NTNG1: variants seen among roughly 807,000 people sequenced by gnomAD.
NTNG1 encodes netrin-G1.
NTNG1 carries 16 observed loss-of-function variants against 54.0 expected under a neutral mutation model. The ratio of observed to expected loss-of-function variants is 0.30; its 90% CI spans 0.20 to 0.45. The LOEUF (loss-of-function observed/expected upper bound fraction) is 0.45. Among genes scored for constraint, NTNG1 ranks in the 20% least tolerant of loss-of-function variants. NTNG1 has a pLI of 1.00. For synonymous variants in NTNG1, 255 were observed against 263.1 expected (o/e 0.97, Z 0.30); for missense variants, 530 against 678.7 (o/e 0.78, Z 2.43).
At chr1:107,421,592 T>C (rs1235998020) in intron 5 of NTNG1, among the ~76,000 whole-genome samples, 1 of 152,078 alleles carries the variant, frequency 6.6e-6, no homozygotes, top group Non-Finnish European at 1.5e-5. Context: ...TCCAAAAAAT[T>C]GTTTCGAATA....
chr1:107,427,324 G>GT (rs2101296444), intron 5 of NTNG1, among the ~76,000 whole-genome samples: 1 of 152,096 alleles, frequency 6.6e-6, no homozygotes, highest in South Asian at 2.1e-4. Flanking sequence ...ATTGGACTAT[G>GT]GATACTATAT....
At chr1:107,204,505 C>T (rs1659025657) in intron 2 of NTNG1, among the ~76,000 whole-genome samples, 2 of 152,072 alleles carry the variant, frequency 1.3e-5, no homozygotes, top group African/African-American at 4.8e-5. Flanking sequence ...CTGATCCCAA[C>T]CTTCCAGCCA....
intron 2 of NTNG1, among the ~76,000 whole-genome samples, chr1:107,174,948 A>G (rs2101107088): frequency 6.6e-6 from 1 of 152,240 alleles, no homozygotes; most frequent in Admixed American, 6.5e-5. Flanking sequence ...ATGCTGACTT[A>G]CCATGGTTTT....
chr1:107,232,095 C>T (rs1661107206), intron 2 of NTNG1, among the ~76,000 whole-genome samples: 1 of 152,082 alleles, frequency 6.6e-6, no homozygotes, highest in African/African-American at 2.4e-5. Flanking sequence ...TCCTTATTGT[C>T]TTAAGTCAAG....
At chr1:107,145,716 C>A (rs1301691363) in intron 1 of NTNG1, among the ~76,000 whole-genome samples, 1 of 152,034 alleles carries the variant, frequency 6.6e-6, no homozygotes, top group Non-Finnish European at 1.5e-5. Context: ...TTGGCTGCCT[C>A]TTGTCAAGAA....
intron 3 of NTNG1, among the ~76,000 whole-genome samples, chr1:107,368,907 C>T (rs1340732610): frequency 6.6e-6 from 1 of 152,146 alleles, no homozygotes; most frequent in Non-Finnish European, 1.5e-5. Context: ...TGTATACATC[C>T]GTGAAGCCAT....
intron 2 of NTNG1, among the ~76,000 whole-genome samples, chr1:107,307,696 T>C (rs2101825410): frequency 6.6e-6 from 1 of 152,358 alleles, no homozygotes; most frequent in Middle Eastern, 3.4e-3. Context: ...CTTTGTCCAG[T>C]GCTAATGCTC....
chr1:107,480,823 A>G lies in NTNG1; in HGVS notation c.1603A>G (p.Ser535Gly). The G allele has an allele frequency of 6.4e-7, 1 of 1,565,308 alleles. No homozygotes were observed. The highest frequency in any genetic ancestry group is 2.4e-5 in the East Asian group (1 of 42,070). The part of the protein sequence containing the change: ...LLLTTLLGTA[S>G]PLVF ...GCTGACCACGCTGCTGGGAACCGCC[A>G]GCCCCCTGGTGTTCTAGGTGTCACC... The change falls in exon 8 of 8, where the codon AGC becomes GGC. Residue 535 changes from serine to glycine, a missense_variant. Coordinates refer to ENST00000370068, the MANE Select transcript of NTNG1 (RefSeq NM_001113226.3).
At chr1:107,161,155 T>A (rs540421296) in intron 2 of NTNG1, among the ~76,000 whole-genome samples, 1 of 152,292 alleles carries the variant, frequency 6.6e-6, no homozygotes, top group Admixed American at 6.5e-5. Context: ...CCCATAAACA[T>A]TTGTTAAATG....
At chr1:107,216,740 T>A (rs1308268987) in intron 2 of NTNG1, among the ~76,000 whole-genome samples, 3 of 151,748 alleles carry the variant, frequency 2.0e-5, no homozygotes. Flanking sequence ...TGTAGTGGCA[T>A]GATCTCGGCT....
rs1383072224 is a variant in NTNG1, at chr1:107,436,742, A to G, written c.1333A>G (p.Thr445Ala). The change falls in exon 7 of 8, where the codon ACA becomes GCA. Residue 445 changes from threonine to alanine, a missense_variant. Physicochemically the swap from Thr to Ala is moderately conservative, Grantham distance 58. Transcript: ENST00000370068. ...ATTTTGTGAGTGTAAGACTGGAACA[A>G]CAGGGCCTAAGTGTGATGAGTGTCT... ...SGFCECKTGT[T>A]GPKCDECLPG... The G allele has an allele frequency of 1.2e-6, 2 of 1,613,424 alleles. No individual in the cohort carries two copies. The highest frequency in any genetic ancestry group is 1.7e-6 in the Non-Finnish European group (2 of 1,179,636).
chr1:107,221,711 G>A (rs1336044958), intron 2 of NTNG1, among the ~76,000 whole-genome samples: 1 of 152,132 alleles, frequency 6.6e-6, no homozygotes, highest in Non-Finnish European at 1.5e-5. Flanking sequence ...GCTGGCACCT[G>A]GTATGTGCTT....
intron 5 of NTNG1, among the ~76,000 whole-genome samples, chr1:107,412,281 C>A (rs1673871799): frequency 6.6e-6 from 1 of 152,188 alleles, no homozygotes; most frequent in Non-Finnish European, 1.5e-5. Flanking sequence ...ATGTGGCTAT[C>A]AATTGAAGTC....
At chr1:107,456,035 C>T (rs976086373) in intron 7 of NTNG1, among the ~76,000 whole-genome samples, 7 of 152,224 alleles carry the variant, frequency 4.6e-5, no homozygotes, top group African/African-American at 7.2e-5. Context: ...AGGGATAGAA[C>T]GATTCCCCAG....
intron 2 of NTNG1, among the ~76,000 whole-genome samples, chr1:107,181,083 G>T (rs954742739): frequency 2.6e-5 from 4 of 152,110 alleles, no homozygotes; most frequent in Admixed American, 1.3e-4. Context: ...ATATTTTGGT[G>T]AAAAATAGAG....
chr1:107,310,244 C>T (rs1666925652), intron 2 of NTNG1, among the ~76,000 whole-genome samples: 1 of 152,150 alleles, frequency 6.6e-6, no homozygotes, highest in Admixed American at 6.5e-5. Context: ...GTTGTCTTCA[C>T]ATTAGAATAT....
At chr1:107,234,994 T>A (rs186760077) in intron 2 of NTNG1, among the ~76,000 whole-genome samples, 1 of 152,010 alleles carries the variant, frequency 6.6e-6, no homozygotes, top group East Asian at 1.9e-4. Flanking sequence ...TATTGGGTGC[T>A]TTCCATGTGC....
intron 3 of NTNG1, among the ~76,000 whole-genome samples, chr1:107,393,349 G>A (rs562727753): frequency 1.6e-4 from 25 of 152,176 alleles, no homozygotes; most frequent in African/African-American, 6.0e-4. Flanking sequence ...CATAAATAAA[G>A]GTGTTAATGT....
At chr1:107,309,984 TA>T (rs1348423692) in intron 2 of NTNG1, among the ~76,000 whole-genome samples, 1 of 152,150 alleles carries the variant, frequency 6.6e-6, no homozygotes, top group East Asian at 1.9e-4. Context: ...TATTCATAGG[TA>T]AACCTAGGAT....
Sources: gnomAD v4.1 joint callset for allele counts (sites outside exome capture counted in the v4.1 genomes callset) on GRCh38, gnomAD v4.1.1 for gene constraint, MANE v1.5 for transcripts, NCBI Gene and HGNC (gene_info 2026-07-23, HGNC 2026-07-21) for gene names.